Variants in MMAA observed in about 807,000 individuals in gnomAD.
MMAA encodes metabolism of cobalamin associated A.
In MMAA, 41 loss-of-function variants were observed where a neutral mutation model predicts 45.0. The ratio of observed to expected loss-of-function variants is 0.91; its 90% CI spans 0.71 to 1.18. The LOEUF is 1.18. Ranked by LOEUF, MMAA falls within the 50% of genes most tolerant of loss-of-function variation. The pLI is 0.00. For missense variants in MMAA, 460 were observed against 495.7 expected (o/e 0.93, Z 0.68); for synonymous variants, 154 against 178.2 (o/e 0.86, Z 1.08).
intron 1 of MMAA, among the ~76,000 whole-genome samples, chr4:145,622,682 TTAATG>T (rs1172183691): frequency 6.6e-6 from 1 of 152,220 alleles, no homozygotes; most frequent in Non-Finnish European, 1.5e-5. Context: ...AACATAGTGA[TTAATG>T]TAAACTATAT....
intron 1 of MMAA, among the ~76,000 whole-genome samples, chr4:145,620,879 C>G (rs1315574830): frequency 6.6e-6 from 1 of 152,172 alleles, no homozygotes; most frequent in East Asian, 1.9e-4. Flanking sequence ...ATAGTAAACT[C>G]TCCTTAGAGG....
At chr4:145,627,921 A>C (rs1277764423) in intron 1 of MMAA, among the ~76,000 whole-genome samples, 1 of 152,220 alleles carries the variant, frequency 6.6e-6, no homozygotes, top group Non-Finnish European at 1.5e-5. Context: ...AAGAAATGGT[A>C]AAATGTGATT....
chr4:145,624,625 T>C lies in MMAA; in HGVS notation c.-66+5218T>C, dbSNP rs984705796. On this transcript the variant is annotated intron_variant, in intron 1 of 6. Coordinates refer to ENST00000649156, the MANE Select transcript of MMAA (RefSeq NM_172250.3). ...TGGTGCTTTAGTTCTATTACTTCTT[T>C]ACTAGAAGGACAGAGCCACATATTC... is the stretch of plus-strand genomic sequence containing the variant. The C allele has an allele frequency of 9.4e-6, 13 of 1,389,818 alleles. No homozygotes were observed. In the African/African-American group the frequency reaches 1.9e-4, roughly 20 times the overall value. 86.1% of individuals were successfully genotyped at this position (1,389,818 alleles called of 1,614,324 possible). A position where few individuals can be genotyped will look rare whatever the true frequency, so the allele number is the denominator to read the frequency against.
At chr4:145,650,852 C>T (rs1297929351) in intron 4 of MMAA, 9 of 585,944 alleles carry the variant, frequency 1.5e-5, no homozygotes, top group Non-Finnish European at 2.8e-5. Flanking sequence ...AAGAACGGAG[C>T]GGGAGAGCTG....
Position 145,642,378 on chromosome 4 carries a change from C to G in MMAA, c.455C>G (p.Pro152Arg). ...LAFRVGLSGP[P>R]GAGKSTFIEY... is the part of the protein sequence containing the mutation. The stretch of plus-strand genomic sequence containing the variant: ...TCCACCGTAGGATTGTCTGGGCCCC[C>G]TGGTGCTGGAAAATCAACATTTATA... The change falls in exon 3 of 7, where the codon CCT (proline) becomes CGT (arginine). Residue 152 changes from proline to arginine, a missense_variant. Pro to Arg is a moderately radical substitution (Grantham distance 103). Transcript: ENST00000649156. 1 of 1,614,014 alleles carries G rather than the reference C, an allele frequency of 6.2e-7. No individual in the cohort carries two copies. Among genetic ancestry groups the G allele is most frequent in the Non-Finnish European group, 8.5e-7 (1 of 1,179,984 alleles).
At chr4:145,640,501 C>T (rs1428339155) in intron 2 of MMAA, among the ~76,000 whole-genome samples, 1 of 152,052 alleles carries the variant, frequency 6.6e-6, no homozygotes, top group East Asian at 1.9e-4. Flanking sequence ...ATGCCTCCAA[C>T]ATCATCCTTG....
intron 1 of MMAA, among the ~76,000 whole-genome samples, chr4:145,632,348 C>A (rs1430923454): frequency 2.6e-5 from 4 of 152,180 alleles, no homozygotes; most frequent in Non-Finnish European, 5.9e-5. Context: ...TATAAAGTTT[C>A]CACTGAAAAG....
chr4:145,619,438 G>A (rs529384391), intron 1 of MMAA, 31 bp downstream of exon 1: 1 of 152,270 alleles, frequency 6.6e-6, no homozygotes. Context: ...CGGCGTCCAG[G>A]AGTCGGGACT....
intron 1 of MMAA, among the ~76,000 whole-genome samples, chr4:145,633,642 T>C (rs1727525471): frequency 6.6e-6 from 1 of 152,248 alleles, no homozygotes; most frequent in Non-Finnish European, 1.5e-5. Flanking sequence ...GTGGTCTTGA[T>C]ACTTACAGAT....
chr4:145,641,523 G>A (rs563148434), intron 2 of MMAA, among the ~76,000 whole-genome samples: 1 of 152,144 alleles, frequency 6.6e-6, no homozygotes, highest in Non-Finnish European at 1.5e-5. Context: ...TTAGTTAAAT[G>A]TCTATGTTTT....
chr4:145,655,642 ATC>A lies in MMAA; in HGVS notation c.*210_*211del, dbSNP rs1366306048. 9.8e-6 allele frequency: 5 copies of A among 507,742 alleles called. No individual in the cohort carries two copies. Among genetic ancestry groups the A allele is most frequent in the Non-Finnish European group, 1.4e-5 (4 of 291,198 alleles). 31.5% of individuals were successfully genotyped at this position (507,742 alleles called of 1,614,324 possible). On this transcript the variant is annotated 3_prime_UTR_variant, in exon 7 of 7. Coordinates refer to ENST00000649156, the MANE Select transcript of MMAA (RefSeq NM_172250.3). The stretch of plus-strand genomic sequence containing the variant: ...AAGGTACCTGTTTTATGTTACTGAT[ATC>A]TGTTTCCTTCTCTTCTTATACCCTG...
At chr4:145,637,462 C>G (rs908322378) in intron 1 of MMAA, among the ~76,000 whole-genome samples, 1 of 152,058 alleles carries the variant, frequency 6.6e-6, no homozygotes, top group Non-Finnish European at 1.5e-5. Context: ...CCCACCGCCC[C>G]ATAGAGAAAA....
rs565249483 is a variant in MMAA, at chr4:145,621,443, T to G, written c.-66+2036T>G. ...TGGACAGAGAACTTTAGAGAATCCC[T>G]TCATGAATTTGGTATTTGTTCTTTA... is the stretch of plus-strand genomic sequence containing the variant. On this transcript the variant is annotated intron_variant, in intron 1 of 6. Coordinates refer to ENST00000649156, the MANE Select transcript of MMAA (RefSeq NM_172250.3). Among the ~76,000 whole-genome samples, 26 of 152,342 alleles carry G rather than the reference T, an allele frequency of 1.7e-4. No homozygotes were observed. The South Asian group carries it at 5.4e-3, about 32-fold the overall frequency.
chr4:145,652,892 C>T (rs879342934), intron 5 of MMAA, among the ~76,000 whole-genome samples: 1 of 151,222 alleles, frequency 6.6e-6, no homozygotes, highest in Non-Finnish European at 1.5e-5. Context: ...TTTTCAGAGA[C>T]AGGGTCTCAC....
chr4:145,645,885 G>A, intron 3 of MMAA, 101 bp from the exon 4 acceptor site: 1 of 1,083,270 alleles, frequency 9.2e-7, no homozygotes, highest in Non-Finnish European at 1.4e-6. Context: ...TGCAGTTTGA[G>A]ATTTAGGGAG....
chr4:145,624,267 G>A (rs1734150926), intron 1 of MMAA: 1 of 798,382 alleles, frequency 1.3e-6, no homozygotes, highest in Non-Finnish European at 2.3e-6. Flanking sequence ...CTGGGGGGAA[G>A]TTATATTCCT....
At chr4:145,625,266 C>T in intron 1 of MMAA, 2 of 830,640 alleles carry the variant, frequency 2.4e-6, no homozygotes, top group Admixed American at 1.8e-5. Context: ...AGCAAGTTTT[C>T]TAAGCCCTTT....
chr4:145,626,135 G>A, intron 1 of MMAA: 1 of 509,540 alleles, frequency 2.0e-6, no homozygotes. Flanking sequence ...GCCCAAAGCT[G>A]ATTCGATTAT....
chr4:145,619,661 G>C (rs1240772522), intron 1 of MMAA, among the ~76,000 whole-genome samples: 1 of 152,222 alleles, frequency 6.6e-6, no homozygotes, highest in African/African-American at 2.4e-5. Context: ...TACGTAAACA[G>C]TGTTTTAAAA....
Sources: gnomAD v4.1 joint callset for allele counts (sites outside exome capture counted in the v4.1 genomes callset) on GRCh38, gnomAD v4.1.1 for gene constraint, MANE v1.5 for transcripts, NCBI Gene and HGNC (gene_info 2026-07-23, HGNC 2026-07-21) for gene names.